Variants in PNPLA7 observed in about 807,000 individuals in gnomAD.
PNPLA7 encodes the protein patatin like domain 7, lysophospholipase, also known as patatin-like phospholipase domain-containing protein 7.
A neutral mutation model predicts 161.7 loss-of-function variants in PNPLA7; 153 were observed. The observed-to-expected ratio is 0.95, with a 90% CI of 0.83 to 1.08. The LOEUF is 1.08. Ranked by LOEUF, PNPLA7 falls within the 50% of genes least tolerant of loss-of-function variation. PNPLA7 has a pLI of 0.00. For missense variants in PNPLA7, 1,739 were observed against 1,856.6 expected, an observed-to-expected ratio of 0.94 and a Z score of 1.16; for synonymous variants, 809 against 782.1, an observed-to-expected ratio of 1.03 and a Z score of -0.57.
chr9:137,505,703 T>A lies in PNPLA7; in HGVS notation c.1384A>T (p.Ser462Cys). Residue 462 changes from serine (S) to cysteine (C), a missense_variant, in exon 14 of 35, where the codon AGT (serine) becomes TGT (cysteine). Physicochemically the swap from Ser to Cys is moderately radical, Grantham distance 112. Coordinates refer to ENST00000406427, the MANE Select transcript of PNPLA7 (RefSeq NM_001098537.3). The part of the protein sequence containing the change: ...IPSTVSQHSE[S>C]HTDETLASRK... ...CTGGCCAGGGTCTCATCCGTGTGAC[T>A]CTCTGAGTGCTGGGAGACCGTGGAG... The A allele has an allele frequency of 1.2e-6, 2 of 1,614,124 alleles. No individual in the cohort carries two copies. The highest frequency in any genetic ancestry group is 8.5e-7 in the Non-Finnish European group (1 of 1,180,024).
intron 9 of PNPLA7, among the ~76,000 whole-genome samples, chr9:137,522,262 G>A (rs1405378793): frequency 1.3e-5 from 2 of 151,212 alleles, no homozygotes; most frequent in Non-Finnish European, 2.9e-5. Context: ...TTTTAGCAGA[G>A]ACGGGGTTTC....
intron 20 of PNPLA7, among the ~76,000 whole-genome samples, chr9:137,488,570 G>A (rs1285822474): frequency 1.3e-5 from 2 of 152,210 alleles, no homozygotes; most frequent in African/African-American, 4.8e-5. Flanking sequence ...CGGACTCATG[G>A]AGGAACCACT....
chr9:137,460,047 TTCACAGGGCTTTGGGGGCC>T lies in PNPLA7; in HGVS notation c.*327_*345del. The T allele has an allele frequency of 3.7e-6, 1 of 269,408 alleles. No homozygotes were observed. The highest frequency in any genetic ancestry group is 3.9e-5 in the South Asian group (1 of 25,792). 16.7% of individuals were successfully genotyped at this position (269,408 alleles called of 1,614,324 possible). A position where few individuals can be genotyped will look rare whatever the true frequency, so the allele number is the denominator to read the frequency against. On this transcript the variant is annotated 3_prime_UTR_variant, in exon 35 of 35. Coordinates refer to ENST00000406427, the MANE Select transcript of PNPLA7 (RefSeq NM_001098537.3). ...AGGCAGTTCACAGGACAGCAGGCAG[TTCACAGGGCTTTGGGGGCC>T]TCACAGGGCAGCAGGTGGTTCACAG...
At chr9:137,546,392 C>T (rs1588723341) in intron 4 of PNPLA7, among the ~76,000 whole-genome samples, 1 of 152,152 alleles carries the variant, frequency 6.6e-6, no homozygotes, top group South Asian at 2.1e-4. Context: ...TGGTAGTGGT[C>T]CCCAGGACCC....
rs1472722383 is a variant in PNPLA7 at position 137,468,982 on chromosome 9, T to G, written c.2883-1509A>C. 6.6e-6 allele frequency among the ~76,000 whole-genome samples: 1 copy of G among 152,134 alleles called. No individual in the cohort carries two copies. The highest frequency in any genetic ancestry group is 1.5e-5 in the Non-Finnish European group (1 of 68,018). ...CAAGTTCAAGTTGGGAGGTGGAGGT[T>G]GCAGTGAGCCAAGATCGCACCATTG... On this transcript the variant is annotated intron_variant, in intron 25 of 34. Transcript: ENST00000406427. The surrounding 1 kb of genome is among the most constrained non-coding windows in gnomAD (Gnocchi z 4.0).
At chr9:137,511,378 G>C (rs990438531) in intron 12 of PNPLA7, among the ~76,000 whole-genome samples, 1 of 151,474 alleles carries the variant, frequency 6.6e-6, no homozygotes, top group African/African-American at 2.4e-5. Context: ...CCTTGGCCTG[G>C]TGGTAGCGCC....
chr9:137,477,475 G>A (rs1228483674), intron 25 of PNPLA7, among the ~76,000 whole-genome samples: 1 of 151,808 alleles, frequency 6.6e-6, no homozygotes, highest in Non-Finnish European at 1.5e-5. Flanking sequence ...TTTTGAGACA[G>A]AGTCTCGCTC....
At chr9:137,546,979 A>T in intron 3 of PNPLA7, 70 bp from the exon 4 acceptor site, 1 of 1,433,806 alleles carries the variant, frequency 7.0e-7, no homozygotes, top group Non-Finnish European at 9.8e-7. Context: ...ATGCAGGTGC[A>T]GCACAGTCAG....
Position 137,506,161 on chromosome 9 carries a change from C to T in PNPLA7, c.1226-78G>A, listed in dbSNP as rs1032627020. 4.0e-6 allele frequency: 5 copies of T among 1,245,040 alleles called. No homozygotes were observed. In the South Asian group the frequency reaches 6.5e-5, roughly 16 times the overall value. 77.1% of individuals were successfully genotyped at this position (1,245,040 alleles called of 1,614,324 possible). ...CGTCCGCGGTGTGGGCTGAGCACAC[C>T]CTGCAGTCTAACCACACAGACCCCG... On this transcript the variant is annotated intron_variant, in intron 12 of 34. Transcript: ENST00000406427.
chr9:137,480,860 C>G (rs1588563680), intron 22 of PNPLA7, 100 bp downstream of exon 22: 3 of 1,258,718 alleles, frequency 2.4e-6, no homozygotes, highest in South Asian at 2.6e-5. Context: ...GGACGAGGAG[C>G]ACGCTGCAGT....
rs183080393 is a variant in PNPLA7 at position 137,539,299 on chromosome 9, C to A, written c.747+1343G>T. ...TGGAGGTTACAGTGAGCCAAGATTG[C>A]GCCATTGTACTCCAGCCTGGGCAAC... On this transcript the variant is annotated intron_variant, in intron 8 of 34. Coordinates refer to ENST00000406427, the MANE Select transcript of PNPLA7 (RefSeq NM_001098537.3). Among the ~76,000 whole-genome samples the A allele has an allele frequency of 6.3e-4, 95 of 151,082 alleles. 1 individual carries two copies. The highest frequency in any genetic ancestry group is 1.2e-3 in the Non-Finnish European group (79 of 67,728).
intron 15 of PNPLA7, 94 bp downstream of exon 15, chr9:137,501,556 C>G: frequency 8.1e-7 from 1 of 1,235,872 alleles, no homozygotes; most frequent in Non-Finnish European, 1.1e-6. Flanking sequence ...TCCCCAGTCA[C>G]TGGTGTCCAG....
intron 23 of PNPLA7, 58 bp downstream of exon 23, chr9:137,480,254 A>C: frequency 6.4e-7 from 1 of 1,551,198 alleles, no homozygotes; most frequent in South Asian, 1.2e-5. Flanking sequence ...GGAAAAGAGA[A>C]ACAGGAGGTT....
rs190208604 is a variant in PNPLA7, at chr9:137,545,751, A to T, written c.273+1079T>A. On this transcript the variant is annotated intron_variant, in intron 4 of 34. Transcript: ENST00000406427. ...TAGGAGCTGAGGGGACATAGTGAGG[A>T]GTGACCAGAAGACAAGAGTGCGAGC... 3.5e-3 allele frequency among the ~76,000 whole-genome samples: 536 copies of T among 152,308 alleles called. 1 individual carries two copies. The highest frequency in any genetic ancestry group is 8.4e-3 in the African/African-American group (350 of 41,576).
chr9:137,503,901 G>GAAAGAAGAAA (rs1833719606), intron 14 of PNPLA7, among the ~76,000 whole-genome samples: 1 of 92,426 alleles, frequency 1.1e-5, no homozygotes. Context: ...AGAAGAAGAA[G>GAAAGAAGAAA]GAAGAAGAAA....
At position 137,486,271 on chromosome 9, in the gene PNPLA7, G is replaced by A. The variant is rs2132179166; in HGVS notation, c.2198-1535C>T. Reference sequence around the variant, plus strand: ...GAGGGCTTAAGGGCCACTCCCTGCAGACGGCGGCCAGCGGACACCTGCAAG... The same window carrying A: ...GAGGGCTTAAGGGCCACTCCCTGCAAACGGCGGCCAGCGGACACCTGCAAG... On this transcript the variant is annotated intron_variant, in intron 20 of 34. Transcript: ENST00000406427. The surrounding 1 kb of genome is among the most constrained non-coding windows in gnomAD (Gnocchi z 6.0). Among the ~76,000 whole-genome samples, 1 of 152,278 alleles carries A rather than the reference G, an allele frequency of 6.6e-6. No homozygotes were observed. The highest frequency in any genetic ancestry group is 2.1e-4 in the South Asian group (1 of 4,828).
In PNPLA7 at chr9:137,497,234, T is replaced by C; in HGVS notation, c.1966A>G (p.Lys656Glu). The change falls in exon 18 of 35, where the codon AAG (lysine) becomes GAG (glutamate). Residue 656 changes from lysine to glutamate, a missense_variant. Lys to Glu is a moderately conservative substitution (Grantham distance 56). Around this residue, in one of 6 missense-constraint regions of PNPLA7, gnomAD observed 481 missense variants for 450.0 expected, o/e 1.07. Transcript: ENST00000406427. ...LRSVIRKDDG[K>E]KRLAGEYGRG... Reference sequence around the variant, plus strand: ...CCGTACTCCCCGGCCAGGCGCTTCTTCCCATCATCCTTCCGGATCACAGAG... The same window carrying C: ...CCGTACTCCCCGGCCAGGCGCTTCTCCCCATCATCCTTCCGGATCACAGAG... 1 of 1,591,460 alleles carries C rather than the reference T, an allele frequency of 6.3e-7. No homozygotes were observed. The highest frequency in any genetic ancestry group is 8.5e-7 in the Non-Finnish European group (1 of 1,170,080).
chr9:137,479,119 G>T lies in PNPLA7; in HGVS notation c.2700C>A (p.Cys900Ter), dbSNP rs777333292. ...TVEWLNMRSW[C>*]SGHLHLCCPR... is the part of the protein sequence containing the mutation. ...GGCAGCAGAGGTGCAGGTGGCCGGA[G>T]CACCAGCTCCGCATGTTGAGCCACT... The change falls in exon 24 of 35, where the codon TGC (cysteine) becomes TGA (stop). Residue 900 changes from cysteine to a stop codon, truncating the protein, a stop_gained. Coordinates refer to ENST00000406427, the MANE Select transcript of PNPLA7 (RefSeq NM_001098537.3). LOFTEE classifies it high-confidence loss of function. The T allele has an allele frequency of 6.3e-7, 1 of 1,598,612 alleles. No homozygotes were observed. Among genetic ancestry groups the T allele is most frequent in the Non-Finnish European group, 8.5e-7 (1 of 1,173,836 alleles).
At chr9:137,519,858 G>A in intron 11 of PNPLA7, 59 bp downstream of exon 11, 9 of 1,562,674 alleles carry the variant, frequency 5.8e-6, no homozygotes, top group Non-Finnish European at 7.8e-6. Flanking sequence ...TGAGGCAGTG[G>A]GAGCAGGATC....
Sources: gnomAD v4.1 joint callset for allele counts (sites outside exome capture counted in the v4.1 genomes callset) on GRCh38, gnomAD v4.1.1 for gene constraint, gnomAD v4.1.1 regional missense constraint, Gnocchi (gnomAD v3.1) non-coding constraint, MANE v1.5 for transcripts, NCBI Gene and HGNC (gene_info 2026-07-23, HGNC 2026-07-21) for gene names.